ABCD3: variants seen among roughly 807,000 people sequenced by gnomAD.
ABCD3 encodes the protein ATP binding cassette subfamily D member 3.
Under a neutral mutation model 105.5 loss-of-function variants are expected in ABCD3, and 41 were observed. The ratio of observed to expected loss-of-function variants is 0.39; its 90% confidence interval spans 0.30 to 0.50. The LOEUF is 0.50. Among genes scored for constraint, ABCD3 ranks in the 20% least tolerant of loss-of-function variants. The pLI is 0.84. For synonymous variants in ABCD3, 258 were observed against 269.0 expected, an observed-to-expected ratio of 0.96 and a Z score of 0.40; for missense variants, 622 against 806.3, an observed-to-expected ratio of 0.77 and a Z score of 2.77.
chr1:94,460,236 C>T (rs1158204283), intron 2 of ABCD3, among the ~76,000 whole-genome samples: 1 of 152,062 alleles, frequency 6.6e-6, no homozygotes, highest in African/African-American at 2.4e-5. Flanking sequence ...CTATCTATAC[C>T]ATTAGTCTAA....
intron 21 of ABCD3, among the ~76,000 whole-genome samples, chr1:94,512,549 T>C (rs1650730620): frequency 6.6e-6 from 1 of 152,012 alleles, no homozygotes; most frequent in African/African-American, 2.4e-5. Flanking sequence ...TCTTAATTTT[T>C]CCATTAACTT....
chr1:94,462,878 T>A (rs1647946863), intron 2 of ABCD3, among the ~76,000 whole-genome samples: 1 of 152,160 alleles, frequency 6.6e-6, no homozygotes, highest in African/African-American at 2.4e-5. Flanking sequence ...TTAACTTCTT[T>A]TTTTAAAAAG....
the ABCD3 span, among the ~76,000 whole-genome samples, chr1:94,412,274 C>T: frequency 3.9e-5 from 6 of 152,238 alleles, no homozygotes; most frequent in African/African-American, 1.4e-4. Flanking sequence ...CTAAGTTACC[C>T]TTCTTGCAGT....
chr1:94,497,506 G>A (rs375630323), intron 16 of ABCD3, among the ~76,000 whole-genome samples: 106 of 152,248 alleles, frequency 7.0e-4, no homozygotes, highest in African/African-American at 2.1e-3. Context: ...TAGAATTATA[G>A]CTAAGATTTT....
chr1:94,438,652 C>G (rs188530254), intron 1 of ABCD3, among the ~76,000 whole-genome samples: 32 of 152,264 alleles, frequency 2.1e-4, no homozygotes, highest in African/African-American at 7.5e-4. Context: ...CCACAGCCAC[C>G]CCAGCCTTCA....
rs577919287 is a variant in ABCD3 at position 94,482,966 on chromosome 1, G to C, written c.828-204G>C. ...AGGTTGCAGTCCAGCATATGATTCA[G>C]TCAGGAGTGTATTCCTGTGCTCCGA... On this transcript the variant is annotated intron_variant, in intron 9 of 22. Transcript: ENST00000370214. 7 of 571,368 alleles carry C rather than the reference G, an allele frequency of 1.2e-5. No homozygotes were observed. In the Admixed American group the frequency reaches 1.5e-4, roughly 12 times the overall value. The allele number at this position is 571,368 out of a possible 1,614,324, so 35.4% of individuals were successfully genotyped here.
chr1:94,492,153 A>T (rs1649562503), intron 16 of ABCD3, among the ~76,000 whole-genome samples: 1 of 152,178 alleles, frequency 6.6e-6, no homozygotes, highest in African/African-American at 2.4e-5. Flanking sequence ...ACATGTGAGT[A>T]GTGGCTATGG....
intron 1 of ABCD3, among the ~76,000 whole-genome samples, chr1:94,456,235 A>G (rs1647552760): frequency 8.0e-6 from 1 of 124,368 alleles, no homozygotes; most frequent in South Asian, 2.6e-4. Context: ...CGGTTCATCC[A>G]TGTTGTTGCA....
In ABCD3 at chr1:94,487,630, A is replaced by G. The variant is rs1223874548; in HGVS notation, c.967+19A>G. ...GCCAAATGTAAGTATATTTTGAAAG[A>G]GATGAGATTTGTGGAAAAGGTGAAA... On this transcript the variant is annotated intron_variant, in intron 11 of 22. Coordinates refer to ENST00000370214, the MANE Select transcript of ABCD3 (RefSeq NM_002858.4). 2 of 1,613,020 alleles carry G rather than the reference A, an allele frequency of 1.2e-6. No homozygotes were observed. Among genetic ancestry groups the G allele is most frequent in the Non-Finnish European group, 1.7e-6 (2 of 1,179,182 alleles).
intron 20 of ABCD3, among the ~76,000 whole-genome samples, chr1:94,500,261 A>G (rs1273016359): frequency 2.0e-5 from 3 of 152,104 alleles, no homozygotes; most frequent in Non-Finnish European, 4.4e-5. Context: ...TGGGCAACAT[A>G]GCAAGACCCT....
At chr1:94,482,734 A>G in intron 9 of ABCD3, 2 of 177,542 alleles carry the variant, frequency 1.1e-5, no homozygotes, top group Admixed American at 1.1e-4. Flanking sequence ...TCTGTCTTTA[A>G]AAGGCTGTAT....
intron 1 of ABCD3, among the ~76,000 whole-genome samples, chr1:94,443,997 T>G (rs1196874493): frequency 6.6e-6 from 1 of 152,160 alleles, no homozygotes; most frequent in Non-Finnish European, 1.5e-5. Context: ...TAGTTTTCTC[T>G]CATGTCTTTT....
intron 1 of ABCD3, among the ~76,000 whole-genome samples, chr1:94,433,012 C>T (rs532208299): frequency 7.3e-4 from 110 of 150,824 alleles, no homozygotes; most frequent in Admixed American, 1.5e-3. Context: ...GCACCACCAC[C>T]ATGCCCGGCT....
At chr1:94,473,862 T>C in intron 5 of ABCD3, 27 bp downstream of exon 5, 1 of 1,574,202 alleles carries the variant, frequency 6.4e-7, no homozygotes, top group Non-Finnish European at 8.7e-7. Context: ...AAAAATCTTT[T>C]TAACACGGGA....
At chr1:94,428,572 TA>T (rs1659557482) in intron 1 of ABCD3, among the ~76,000 whole-genome samples, 1 of 151,798 alleles carries the variant, frequency 6.6e-6, no homozygotes, top group Admixed American at 6.6e-5. Context: ...TGGTGGGAGG[TA>T]ATTGAATCAT....
intron 21 of ABCD3, among the ~76,000 whole-genome samples, chr1:94,507,357 A>G (rs1231301916): frequency 1.3e-5 from 2 of 152,158 alleles, no homozygotes; most frequent in Non-Finnish European, 2.9e-5. Context: ...TCCATGGTGT[A>G]TATGTGCCAC....
At chr1:94,493,644 G>A (rs1185590922) in intron 16 of ABCD3, among the ~76,000 whole-genome samples, 20 of 151,812 alleles carry the variant, frequency 1.3e-4, no homozygotes, top group Admixed American at 2.6e-4. Context: ...ACATGCACAC[G>A]TATGTTTATT....
intron 2 of ABCD3, among the ~76,000 whole-genome samples, chr1:94,463,661 C>G (rs1257110739): frequency 6.6e-6 from 1 of 152,080 alleles, no homozygotes; most frequent in African/African-American, 2.4e-5. Context: ...TCCAAACAGT[C>G]CAAGAGTAGT....
intron 16 of ABCD3, among the ~76,000 whole-genome samples, chr1:94,494,856 A>T (rs1176642375): frequency 6.6e-5 from 10 of 152,156 alleles, no homozygotes. Flanking sequence ...AGGTGGGCGG[A>T]TTGCTTGAGC....
Sources: gnomAD v4.1 joint callset for allele counts (sites outside exome capture counted in the v4.1 genomes callset) on GRCh38, gnomAD v4.1.1 for gene constraint, MANE v1.5 for transcripts, NCBI Gene and HGNC (gene_info 2026-07-23, HGNC 2026-07-21) for gene names.